CDH13: variants seen among roughly 807,000 people sequenced by gnomAD.
The protein encoded by CDH13 is cadherin 13.
A neutral mutation model predicts 63.8 loss-of-function variants in CDH13; 24 were observed. That is an observed-to-expected ratio of 0.38 (90% CI 0.27 to 0.53). CDH13 has a LOEUF of 0.53. Ranked by LOEUF, CDH13 falls within the 20% of genes least tolerant of loss-of-function variation. The pLI, the probability that CDH13 is intolerant of heterozygous loss-of-function variation, is 0.85. For missense variants in CDH13, 1,049 were observed against 903.1 expected, an observed-to-expected ratio of 1.16 and a Z score of -2.07; for synonymous variants, 503 against 355.3, an observed-to-expected ratio of 1.42 and a Z score of -4.67.
chr16:82,722,720 C>G lies in CDH13; in HGVS notation c.45+95583C>G, dbSNP rs1360022801. Among the ~76,000 whole-genome samples, 4 of 152,160 alleles carry G rather than the reference C, an allele frequency of 2.6e-5. No individual in the cohort carries two copies. In the South Asian group the frequency reaches 8.3e-4, roughly 32 times the overall value. ...GAGCACCTGCCATTGTATGCAAGCT[C>G]TGCCTAGTTCTCCTGCAGGAAGTTC... On this transcript the variant is annotated intron_variant, in intron 1 of 13. Coordinates refer to ENST00000567109, the MANE Select transcript of CDH13 (RefSeq NM_001257.5).
chr16:82,849,279 G>A (rs531245495), intron 1 of CDH13, among the ~76,000 whole-genome samples: 1 of 152,230 alleles, frequency 6.6e-6, no homozygotes, highest in East Asian at 1.9e-4. Flanking sequence ...CAAAGCAGGT[G>A]GATCACGAGG....
chr16:83,678,217 T>C lies in CDH13; in HGVS notation c.1294T>C (p.Tyr432His). 3 of 1,611,832 alleles carry C rather than the reference T, an allele frequency of 1.9e-6. No individual in the cohort carries two copies. Among genetic ancestry groups the C allele is most frequent in the South Asian group, 1.1e-5 (1 of 91,022 alleles). The change falls in exon 10 of 14, where the codon TAT (tyrosine) becomes CAT (histidine). Residue 432 changes from tyrosine (Y) to histidine (H), a missense_variant. Physicochemically the swap from Tyr to His is moderately conservative, Grantham distance 83 (BLOSUM62 2). Transcript: ENST00000567109. ...TCTGTCTGCTTTCCAGCCATTGGAC[T>C]ATGAAATTTCTGCCTTCCACACCCT... ...GMLSVVKPLD[Y>H]EISAFHTLLI...
intron 5 of CDH13, 34 bp from the exon 6 acceptor site, chr16:83,344,828 T>C: frequency 6.2e-7 from 1 of 1,609,640 alleles, no homozygotes; most frequent in African/African-American, 1.3e-5. Context: ...TGAATTAATA[T>C]CTTCTTTCTC....
At chr16:83,706,623 C>T (rs1283852939) in intron 10 of CDH13, among the ~76,000 whole-genome samples, 1 of 152,050 alleles carries the variant, frequency 6.6e-6, no homozygotes, top group Non-Finnish European at 1.5e-5. Context: ...TCAGGCTATA[C>T]AATCATTTCT....
intron 10 of CDH13, among the ~76,000 whole-genome samples, chr16:83,706,309 A>G (rs533476339): frequency 6.6e-6 from 1 of 152,180 alleles, no homozygotes; most frequent in Non-Finnish European, 1.5e-5. Flanking sequence ...CAGCCTCAGA[A>G]ATCATACAGT....
At chr16:83,237,429 C>A (rs571715833) in intron 5 of CDH13, among the ~76,000 whole-genome samples, 1 of 152,356 alleles carries the variant, frequency 6.6e-6, no homozygotes, top group Non-Finnish European at 1.5e-5. Flanking sequence ...GTGTAATAGA[C>A]CTCTCTGCAA....
intron 3 of CDH13, among the ~76,000 whole-genome samples, chr16:83,073,327 G>GTGTGTA (rs2032580887): frequency 7.7e-6 from 1 of 129,870 alleles, no homozygotes; most frequent in African/African-American, 3.3e-5. Context: ...GTGTCTGTGT[G>GTGTGTA]TGTGTGTGTG....
At chr16:83,444,585 C>G (rs961724044) in intron 6 of CDH13, among the ~76,000 whole-genome samples, 1 of 152,152 alleles carries the variant, frequency 6.6e-6, no homozygotes, top group African/African-American at 2.4e-5. Context: ...CATGTCCTCT[C>G]TTGTGAAGAG....
chr16:83,164,925 T>C (rs1170821053), intron 4 of CDH13, among the ~76,000 whole-genome samples: 2 of 151,868 alleles, frequency 1.3e-5, no homozygotes. Flanking sequence ...GAGAGTTTCA[T>C]TGTTTGCCAC....
intron 10 of CDH13, chr16:83,739,947 G>A (rs1911906210): frequency 6.6e-6 from 1 of 152,248 alleles, no homozygotes; most frequent in African/African-American, 2.4e-5. Context: ...GCCAGGGAAG[G>A]AGGCAGACTT....
At chr16:83,362,010 G>C (rs1413231441) in intron 6 of CDH13, among the ~76,000 whole-genome samples, 1 of 151,988 alleles carries the variant, frequency 6.6e-6, no homozygotes, top group East Asian at 1.9e-4. Context: ...AGGGAGCTTT[G>C]GGCAGTATCT....
At chr16:82,853,692 T>C (rs1296920033) in intron 1 of CDH13, among the ~76,000 whole-genome samples, 1 of 152,220 alleles carries the variant, frequency 6.6e-6, no homozygotes, top group Non-Finnish European at 1.5e-5. Context: ...TAGAAATCTT[T>C]TGTTAATCAT....
intron 6 of CDH13, chr16:83,398,161 T>C (rs1453608759): frequency 1.5e-5 from 2 of 131,330 alleles, no homozygotes; most frequent in African/African-American, 5.8e-5. Flanking sequence ...CAGTTAGGTA[T>C]ATTAATTTCC....
intron 4 of CDH13, among the ~76,000 whole-genome samples, chr16:83,175,672 C>G (rs1427303425): frequency 2.0e-5 from 3 of 152,056 alleles, no homozygotes; most frequent in African/African-American, 7.2e-5. Flanking sequence ...TTAAAACAAA[C>G]AAACAAACAC....
intron 8 of CDH13, among the ~76,000 whole-genome samples, chr16:83,647,209 C>T (rs1911909536): frequency 1.3e-5 from 2 of 151,334 alleles, no homozygotes; most frequent in South Asian, 4.2e-4. Flanking sequence ...ACTCGGGAGG[C>T]TGAGGCAGGA....
chr16:83,016,410 C>A (rs1280918609), intron 2 of CDH13, among the ~76,000 whole-genome samples: 2 of 152,112 alleles, frequency 1.3e-5, no homozygotes, highest in Non-Finnish European at 2.9e-5. Flanking sequence ...TTTTTGATTG[C>A]CAACTCTCTT....
intron 3 of CDH13, among the ~76,000 whole-genome samples, chr16:83,111,474 A>T (rs573295380): frequency 6.6e-6 from 1 of 152,230 alleles, no homozygotes; most frequent in African/African-American, 2.4e-5. Flanking sequence ...TGAAAGCATG[A>T]TGTGTCTGAG....
At chr16:82,968,978 G>C (rs1908289233) in intron 2 of CDH13, among the ~76,000 whole-genome samples, 1 of 152,082 alleles carries the variant, frequency 6.6e-6, no homozygotes, top group Non-Finnish European at 1.5e-5. Context: ...AAATTAGTTG[G>C]GCATGGTAAT....
At chr16:82,841,483 A>T (rs567879848) in intron 1 of CDH13, among the ~76,000 whole-genome samples, 63 of 152,332 alleles carry the variant, frequency 4.1e-4, no homozygotes, top group African/African-American at 1.5e-3. Flanking sequence ...GTCAGGAGGC[A>T]GGATTATCTC....
Sources: allele counts gnomAD v4.1 joint callset (sites outside exome capture counted in the v4.1 genomes callset), GRCh38; gene constraint gnomAD v4.1.1; transcripts MANE v1.5; gene names NCBI Gene and HGNC (gene_info 2026-07-23, HGNC 2026-07-21).